Variants in INVS observed in about 807,000 individuals in gnomAD.
INVS encodes the protein inversin, also known as inversion of embryo turning homolog.
INVS carries 86 observed loss-of-function variants against 108.8 expected under a neutral mutation model. The observed-to-expected ratio is 0.79, with a 90% CI of 0.66 to 0.95. The LOEUF (loss-of-function observed/expected upper bound fraction) is 0.95, where lower values mean the gene tolerates loss of function less well. INVS is among the 40% of genes least tolerant of loss of function. The pLI, the probability that INVS is intolerant of heterozygous loss-of-function variation, is 0.00. For synonymous variants in INVS, 455 were observed against 473.5 expected (o/e 0.96, Z 0.51); for missense variants, 1,169 against 1,297.4 (o/e 0.90, Z 1.52).
intron 3 of INVS, among the ~76,000 whole-genome samples, chr9:100,142,838 A>G (rs1342489646): frequency 1.3e-5 from 2 of 152,186 alleles, no homozygotes; most frequent in African/African-American, 4.8e-5. Flanking sequence ...CAGAAAGGCT[A>G]TAGGACGTGG....
At chr9:100,192,099 G>T (rs777445745) in intron 3 of INVS, among the ~76,000 whole-genome samples, 2 of 152,088 alleles carry the variant, frequency 1.3e-5, no homozygotes, top group Non-Finnish European at 2.9e-5. Flanking sequence ...CTTTCAGAGG[G>T]TCTGTGATTT....
intron 3 of INVS, chr9:100,176,052 T>C (rs777945007): frequency 4.5e-5 from 23 of 505,932 alleles, no homozygotes; most frequent in Middle Eastern, 6.9e-4. Flanking sequence ...CCTGAAGATA[T>C]GTAAAGATGA....
chr9:100,157,431 A>G (rs1321665902), intron 3 of INVS, among the ~76,000 whole-genome samples: 2 of 150,990 alleles, frequency 1.3e-5, no homozygotes, highest in Non-Finnish European at 3.0e-5. Flanking sequence ...CGCCTGGCTA[A>G]TTTTTTTTGT....
chr9:100,180,982 A>G (rs552950361), intron 3 of INVS, among the ~76,000 whole-genome samples: 3 of 152,284 alleles, frequency 2.0e-5, no homozygotes, highest in African/African-American at 7.2e-5. Flanking sequence ...AACATACACA[A>G]ATCAATAAAC....
Position 100,301,831 on chromosome 9 carries a change from G to C in INVS, c.*1157G>C, listed in dbSNP as rs1047493243. On this transcript the variant is annotated 3_prime_UTR_variant, in exon 17 of 17. Transcript: ENST00000262457. ...ACTAATTATTACATTCATCGTTTTT[G>C]TGATCACAAAAACACAAAGAAGGAG... Among the ~76,000 whole-genome samples, 3 of 152,046 alleles carry C rather than the reference G, an allele frequency of 2.0e-5. No homozygotes were observed. Among genetic ancestry groups the C allele is most frequent in the Non-Finnish European group, 2.9e-5 (2 of 68,018 alleles).
chr9:100,113,867 A>G (rs140885425), intron 2 of INVS, among the ~76,000 whole-genome samples: 79 of 152,200 alleles, frequency 5.2e-4, no homozygotes, highest in African/African-American at 1.9e-3. Context: ...CTAGCATTCT[A>G]TTTTCCAAAG....
At chr9:100,217,440 G>C (rs749777629) in intron 3 of INVS, among the ~76,000 whole-genome samples, 1 of 152,196 alleles carries the variant, frequency 6.6e-6, no homozygotes, top group Non-Finnish European at 1.5e-5. Context: ...GATGCTGGCA[G>C]AAGACACAAG....
At chr9:100,235,169 A>G (rs765946244) in intron 5 of INVS, among the ~76,000 whole-genome samples, 1 of 150,062 alleles carries the variant, frequency 6.7e-6, no homozygotes, top group Admixed American at 6.6e-5. Flanking sequence ...CTGTTTTATC[A>G]GAGACTAGGA....
intron 3 of INVS, among the ~76,000 whole-genome samples, chr9:100,213,660 T>C (rs1225821090): frequency 6.6e-6 from 1 of 152,226 alleles, no homozygotes; most frequent in Non-Finnish European, 1.5e-5. Context: ...AGTAGTTTAC[T>C]ACTCACAACA....
intron 5 of INVS, among the ~76,000 whole-genome samples, chr9:100,230,329 C>T (rs1487317094): frequency 6.6e-6 from 1 of 152,148 alleles, no homozygotes; most frequent in Non-Finnish European, 1.5e-5. Context: ...CAACAACTGT[C>T]TTCAATCTTG....
chr9:100,191,330 C>T (rs1286546729), intron 3 of INVS, among the ~76,000 whole-genome samples: 1 of 152,092 alleles, frequency 6.6e-6, no homozygotes, highest in East Asian at 1.9e-4. Context: ...TTTGGTTTGG[C>T]AATTTTACAT....
At chr9:100,135,521 C>T (rs1418268636) in intron 3 of INVS, among the ~76,000 whole-genome samples, 1 of 152,206 alleles carries the variant, frequency 6.6e-6, no homozygotes, top group African/African-American at 2.4e-5. Context: ...AATCACTACT[C>T]TATTCTGCTT....
chr9:100,194,966 A>G (rs1459715305), intron 3 of INVS, among the ~76,000 whole-genome samples: 1 of 152,178 alleles, frequency 6.6e-6, no homozygotes, highest in Non-Finnish European at 1.5e-5. Context: ...TGTGAGACCC[A>G]CTGAGTCTCC....
chr9:100,182,906 A>G (rs1383200026), intron 3 of INVS, among the ~76,000 whole-genome samples: 2 of 152,230 alleles, frequency 1.3e-5, no homozygotes, highest in African/African-American at 2.4e-5. Context: ...CTGGATAAAG[A>G]AAATGTGGCA....
rs933682671 is a variant in INVS, at chr9:100,214,484, T to C, written c.274-11578T>C. 2.0e-5 allele frequency among the ~76,000 whole-genome samples: 3 copies of C among 152,348 alleles called. No homozygotes were observed. The South Asian group carries it at 6.2e-4, about 32-fold the overall frequency. ...CATTAAACTTGGATCAACCATTACA[T>C]TGATTTGTCTAAGCCACATGGGCAG... On this transcript the variant is annotated intron_variant, in intron 3 of 16. Transcript: ENST00000262457.
At chr9:100,178,035 G>T (rs575859011) in intron 3 of INVS, among the ~76,000 whole-genome samples, 1 of 152,298 alleles carries the variant, frequency 6.6e-6, no homozygotes, top group Middle Eastern at 3.4e-3. Context: ...TAGAATAGGG[G>T]CCTGACTATT....
intron 3 of INVS, 86 bp downstream of exon 3, chr9:100,126,635 A>G: frequency 7.8e-7 from 1 of 1,289,706 alleles, no homozygotes; most frequent in Non-Finnish European, 1.1e-6. Flanking sequence ...GACAGATAAT[A>G]AAGAAGTCTC....
chr9:100,297,717 A>C (rs934195017), intron 15 of INVS, among the ~76,000 whole-genome samples: 6 of 152,242 alleles, frequency 3.9e-5, no homozygotes, highest in Admixed American at 2.6e-4. Context: ...AAAGATAAGC[A>C]AGAGCACCTT....
intron 2 of INVS, chr9:100,117,512 C>A: frequency 1.1e-6 from 1 of 872,882 alleles, no homozygotes. Flanking sequence ...CGGGCCCCGT[C>A]CACGGCCGCA....
Sources: gnomAD v4.1 joint callset for allele counts (sites outside exome capture counted in the v4.1 genomes callset) on GRCh38, gnomAD v4.1.1 for gene constraint, MANE v1.5 for transcripts, NCBI Gene and HGNC (gene_info 2026-07-23, HGNC 2026-07-21) for gene names.